HYCC1: variants seen among roughly 807,000 people sequenced by gnomAD.
HYCC1 encodes the protein hyccin.
chr7:23,004,637 T>TA, the HYCC1 span, among the ~76,000 whole-genome samples: 80 of 149,758 alleles, frequency 5.3e-4, no homozygotes, highest in East Asian at 1.6e-3. Context: ...TTATCATGGG[T>TA]AAAAAAAAAA....
At chr7:23,002,029 T>G in the HYCC1 span, among the ~76,000 whole-genome samples, 1 of 151,330 alleles carries the variant, frequency 6.6e-6, no homozygotes, top group Admixed American at 6.6e-5. Context: ...ATGTTTGAAA[T>G]TTTCTCTTCA....
At chr7:22,956,219 C>T in the HYCC1 span, among the ~76,000 whole-genome samples, 7,493 of 151,754 alleles carry the variant, frequency 0.049, 212 homozygotes, top group Non-Finnish European at 0.053. Context: ...AAAAATACAC[C>T]TTTGCCTTGA....
chr7:22,928,455 A>G, the HYCC1 span, among the ~76,000 whole-genome samples: 1 of 152,218 alleles, frequency 6.6e-6, no homozygotes, highest in Non-Finnish European at 1.5e-5. Flanking sequence ...TCAGCCCAAA[A>G]TCTCCTTAAG....
the HYCC1 span, chr7:22,990,962 T>C: frequency 1.3e-6 from 1 of 779,932 alleles, no homozygotes. Context: ...CACAGATATT[T>C]AGCCTTTCAG....
the HYCC1 span, among the ~76,000 whole-genome samples, chr7:22,903,066 G>GAT: frequency 6.6e-6 from 1 of 152,120 alleles, no homozygotes; most frequent in South Asian, 2.1e-4. Context: ...AGGCAGTGTT[G>GAT]ATAAATTTTG....
At chr7:22,968,794 TG>T in the HYCC1 span, among the ~76,000 whole-genome samples, 1 of 152,116 alleles carries the variant, frequency 6.6e-6, no homozygotes, top group Non-Finnish European at 1.5e-5. Context: ...AAGACCAGCC[TG>T]GCCAACATGG....
chr7:22,950,098 T>C, the HYCC1 span, among the ~76,000 whole-genome samples: 1 of 152,054 alleles, frequency 6.6e-6, no homozygotes, highest in Non-Finnish European at 1.5e-5. Flanking sequence ...TATAACTCTG[T>C]GACCCGACAT....
the HYCC1 span, among the ~76,000 whole-genome samples, chr7:22,928,135 A>G: frequency 2.0e-5 from 3 of 151,754 alleles, no homozygotes; most frequent in Admixed American, 2.0e-4. Context: ...AAATTCAACA[A>G]CCCTTCATGC....
At chr7:22,953,789 C>T in the HYCC1 span, among the ~76,000 whole-genome samples, 1 of 151,676 alleles carries the variant, frequency 6.6e-6, no homozygotes, top group Admixed American at 6.6e-5. Context: ...GTTTTATCTT[C>T]TATATTGGGA....
the HYCC1 span, chr7:22,964,346 C>T: frequency 1.1e-6 from 1 of 881,988 alleles, no homozygotes. Context: ...AATATAGTGA[C>T]AATAGATGAA....
the HYCC1 span, among the ~76,000 whole-genome samples, chr7:22,998,804 C>T: frequency 9.0e-4 from 137 of 152,224 alleles, no homozygotes; most frequent in African/African-American, 3.2e-3. Context: ...TTCTTTTCTC[C>T]TGAACACACC....
chr7:22,927,192 G>T, the HYCC1 span, among the ~76,000 whole-genome samples: 1 of 152,062 alleles, frequency 6.6e-6, no homozygotes, highest in Non-Finnish European at 1.5e-5. Context: ...AGTGTGTAGA[G>T]GGAAATTTAT....
the HYCC1 span, chr7:22,976,325 A>G: frequency 6.5e-7 from 1 of 1,535,130 alleles, no homozygotes; most frequent in South Asian, 1.1e-5. Flanking sequence ...AACAAAAAGA[A>G]TATTAACAAA....
At chr7:22,905,736 A>T in the HYCC1 span, among the ~76,000 whole-genome samples, 1 of 152,182 alleles carries the variant, frequency 6.6e-6, no homozygotes, top group Non-Finnish European at 1.5e-5. Context: ...TTTTTCACAT[A>T]GAATATAAAA....
At chr7:22,953,620 C>G in the HYCC1 span, among the ~76,000 whole-genome samples, 1 of 151,956 alleles carries the variant, frequency 6.6e-6, no homozygotes, top group East Asian at 1.9e-4. Context: ...TCAAACATAT[C>G]AATGTATTTC....
chr7:22,935,977 T>C, the HYCC1 span: 2 of 148,752 alleles, frequency 1.3e-5, no homozygotes, highest in Non-Finnish European at 3.0e-5. Flanking sequence ...AGAGTTTTGC[T>C]GGATTATCTA....
chr7:22,903,475 A>T, the HYCC1 span, among the ~76,000 whole-genome samples: 1 of 152,244 alleles, frequency 6.6e-6, no homozygotes, highest in Admixed American at 6.5e-5. Context: ...ACATAAATGA[A>T]CAAACTCCTA....
At chr7:22,977,990 A>T in the HYCC1 span, among the ~76,000 whole-genome samples, 1 of 152,214 alleles carries the variant, frequency 6.6e-6, no homozygotes, top group Non-Finnish European at 1.5e-5. Flanking sequence ...TTAAGTTTAC[A>T]AAATTTAAAA....
chr7:22,942,238 T>A, the HYCC1 span: 1 of 152,150 alleles, frequency 6.6e-6, no homozygotes, highest in Admixed American at 6.6e-5. Context: ...AAATGAGTAA[T>A]ATTTGCTGAG....
Sources: gnomAD v4.1 joint callset for allele counts (sites outside exome capture counted in the v4.1 genomes callset) on GRCh38, gnomAD v4.1.1 for gene constraint, MANE v1.5 for transcripts, NCBI Gene and HGNC (gene_info 2026-07-23, HGNC 2026-07-21) for gene names.